ACSL4: variants seen among roughly 807,000 people sequenced by gnomAD.
ACSL4 encodes long-chain-fatty-acid--CoA ligase 4.
Under a neutral mutation model 49.1 loss-of-function variants are expected in ACSL4, and 9 were observed. The observed-to-expected ratio is 0.18, with a 90% CI of 0.11 to 0.32. The LOEUF is 0.32. ACSL4 is among the 10% of genes least tolerant of loss of function. ACSL4 has a pLI of 1.00. For synonymous variants in ACSL4, 191 were observed against 170.3 expected (o/e 1.12, Z -0.95); for missense variants, 333 against 493.7 (o/e 0.67, Z 3.08).
intron 2 of ACSL4, among the ~76,000 whole-genome samples, chrX:109,685,185 C>T (rs1291228987): frequency 1.9e-5 from 2 of 106,079 alleles, no homozygotes; most frequent in African/African-American, 6.9e-5. Flanking sequence ...CTCTGCCTCC[C>T]GGACTCAAAA....
chrX:109,682,973 A>G (rs1924292920), intron 3 of ACSL4, 77 bp from the exon 4 acceptor site: 1 of 1,094,315 alleles, frequency 9.1e-7, no homozygotes, highest in South Asian at 1.9e-5. Flanking sequence ...ATAAAACTCT[A>G]AAAATGCTCT....
chrX:109,662,830 A>T (rs1420964037), intron 13 of ACSL4, among the ~76,000 whole-genome samples: 1 of 111,345 alleles, frequency 9.0e-6, no homozygotes, highest in East Asian at 2.8e-4. Flanking sequence ...TATAGGAAAC[A>T]GTTATATAAA....
intron 2 of ACSL4, among the ~76,000 whole-genome samples, chrX:109,692,952 C>T (rs191968944): frequency 2.6e-3 from 291 of 111,722 alleles, no homozygotes; most frequent in Middle Eastern, 4.6e-3. Flanking sequence ...AGTAATACAA[C>T]TTAGGGCTTT....
chrX:109,661,609 T>C lies in ACSL4; in HGVS notation c.1619A>G (p.Glu540Gly). The C allele has an allele frequency of 8.3e-7, 1 of 1,205,026 alleles. No homozygotes were observed. ...KKDLVKLQAG[E>G]YVSLGKVEAA... ...TTCTACTTTCCCAAGAGATACATAC[T>C]CTCCTGCTTGTAACTTCACTAGATC... Residue 540 changes from glutamate (E) to glycine (G), a missense_variant, in exon 14 of 16, where the codon GAG becomes GGG. Around this residue, in one of 3 missense-constraint regions of ACSL4, gnomAD observed 175 missense variants for 275.8 expected, o/e 0.63. Transcript: ENST00000672401.
At position 109,647,818 on chromosome X, in the gene ACSL4, G is replaced by C. The variant is rs1267867475; in HGVS notation, c.1856-3632C>G. 2.7e-5 allele frequency among the ~76,000 whole-genome samples: 3 copies of C among 110,264 alleles called. No individual in the cohort carries two copies. The East Asian group carries it at 8.5e-4, about 31-fold the overall frequency. On this transcript the variant is annotated intron_variant, in intron 15 of 15. Transcript: ENST00000672401. ...AAAAAGAGAGAAGAATCAAATAGAC[G>C]CAATAAAAAATGATAAAGGGGATAT...
At position 109,668,431 on chromosome X, in the gene ACSL4, G is replaced by A. The variant is rs574486916; in HGVS notation, c.1143-158C>T. ...GGTTAACAAGGCAACAACTAGTAACGCCTTGTAAAAATGCCAGAAAAAACT... is the reference window on the plus strand; with the variant it reads ...GGTTAACAAGGCAACAACTAGTAACACCTTGTAAAAATGCCAGAAAAAACT... On this transcript the variant is annotated intron_variant, in intron 10 of 15. Coordinates refer to ENST00000672401, the MANE Select transcript of ACSL4 (RefSeq NM_001318510.2). Among the ~76,000 whole-genome samples, 11 of 111,825 alleles carry A rather than the reference G, an allele frequency of 9.8e-5. No homozygotes were observed. The East Asian group carries it at 1.1e-3, about 11-fold the overall frequency.
intron 12 of ACSL4, 26 bp downstream of exon 12, chrX:109,665,394 A>G: frequency 1.7e-6 from 2 of 1,166,518 alleles, no homozygotes; most frequent in South Asian, 3.6e-5. Context: ...ATCTTGAATC[A>G]CTAGAGCTTT....
At position 109,643,223 on chromosome X, in the gene ACSL4, T is replaced by C. The variant is rs894636251; in HGVS notation, c.*806A>G. The C allele has an allele frequency of 2.7e-5, 3 of 112,215 alleles. No homozygotes were observed. The highest frequency in any genetic ancestry group is 9.7e-5 in the African/African-American group (3 of 30,840). The allele number at this position is 112,215 out of a possible 1,213,427, so 9.2% of individuals were successfully genotyped here. On this transcript the variant is annotated 3_prime_UTR_variant, in exon 16 of 16. Coordinates refer to ENST00000672401, the MANE Select transcript of ACSL4 (RefSeq NM_001318510.2). ...CCTGTTAACTTTTTACCTTCCTTGC[T>C]CTTGGTCTCAGCTTTTCAGTTTGAA...
intron 1 of ACSL4, among the ~76,000 whole-genome samples, chrX:109,707,775 C>G (rs1220832383): frequency 3.6e-5 from 4 of 111,891 alleles, no homozygotes; most frequent in Non-Finnish European, 7.5e-5. Context: ...TGATCAAATA[C>G]TATGCGGCCA....
chrX:109,676,715 A>G (rs1923726366), intron 8 of ACSL4, among the ~76,000 whole-genome samples: 3 of 111,555 alleles, frequency 2.7e-5, no homozygotes, highest in Admixed American at 9.5e-5. Context: ...GGTATAACAT[A>G]TATGAGTTAG....
chrX:109,644,989 G>C (rs1248316621), intron 15 of ACSL4, among the ~76,000 whole-genome samples: 1 of 113,141 alleles, frequency 8.8e-6, no homozygotes, highest in Non-Finnish European at 1.9e-5. Flanking sequence ...TGCACCAGGA[G>C]ATTATAGCCC....
intron 15 of ACSL4, among the ~76,000 whole-genome samples, chrX:109,645,362 C>T (rs1276740678): frequency 9.3e-6 from 1 of 107,303 alleles, no homozygotes; most frequent in Admixed American, 9.8e-5. Context: ...GGGTCCCTGA[C>T]CCCTGACCCC....
At chrX:109,717,505 A>C (rs1927216640) in intron 1 of ACSL4, among the ~76,000 whole-genome samples, 1 of 111,020 alleles carries the variant, frequency 9.0e-6, no homozygotes, top group Non-Finnish European at 1.9e-5. Flanking sequence ...TCAAAACAAA[A>C]AAAAAGAACA....
chrX:109,649,066 G>A (rs1934885411), intron 15 of ACSL4, among the ~76,000 whole-genome samples: 1 of 109,699 alleles, frequency 9.1e-6, no homozygotes, highest in African/African-American at 3.3e-5. Flanking sequence ...CTCATGGGTA[G>A]GAAGAATCAA....
At position 109,693,431 on chromosome X, in the gene ACSL4, G is replaced by T. The variant is rs773137474; in HGVS notation, c.-13+2713C>A. ...AGAACAGAAGGCCACATATTCTAAA[G>T]ACAGCAGATAATTCAAAAATGCATT... On this transcript the variant is annotated intron_variant, in intron 2 of 15. Transcript: ENST00000672401. 2.7e-5 allele frequency among the ~76,000 whole-genome samples: 3 copies of T among 111,985 alleles called. No individual in the cohort carries two copies. In the South Asian group the frequency reaches 1.1e-3, roughly 41 times the overall value.
Position 109,642,414 on chromosome X carries a change from AC to A in ACSL4, c.*1614del, listed in dbSNP as rs1934471591. 9.0e-6 allele frequency: 1 copy of A among 111,721 alleles called. No homozygotes were observed. The highest frequency in any genetic ancestry group is 3.3e-5 in the African/African-American group (1 of 30,696). 9.2% of individuals were successfully genotyped at this position (111,721 alleles called of 1,213,427 possible). A position where few individuals can be genotyped will look rare whatever the true frequency, so the allele number is the denominator to read the frequency against. ...AAAATTTTACCTTGCAAAACGCTGAACAGAAATCTTTACAAAAACCTTCATT... is the reference window on the plus strand; with the variant it reads ...AAAATTTTACCTTGCAAAACGCTGAAAGAAATCTTTACAAAAACCTTCATT... On this transcript the variant is annotated 3_prime_UTR_variant, in exon 16 of 16. Transcript: ENST00000672401.
Position 109,681,414 on chromosome X carries a change from C to T in ACSL4, c.407-39G>A, listed in dbSNP as rs775361229. 1.5e-5 allele frequency: 14 copies of T among 941,637 alleles called. No individual in the cohort carries two copies. The East Asian group carries it at 4.4e-4, about 30-fold the overall frequency. The allele number at this position is 941,637 out of a possible 1,213,427, so 77.6% of individuals were successfully genotyped here. A position where few individuals can be genotyped will look rare whatever the true frequency, so the allele number is the denominator to read the frequency against. On this transcript the variant is annotated intron_variant, in intron 4 of 15. Coordinates refer to ENST00000672401, the MANE Select transcript of ACSL4 (RefSeq NM_001318510.2). Reference sequence around the variant, plus strand: ...ATAAACACAAATATTAAGTAATAAACATCTATTAGAAATGGATATTATTGA... The same window carrying T: ...ATAAACACAAATATTAAGTAATAAATATCTATTAGAAATGGATATTATTGA...
intron 10 of ACSL4, among the ~76,000 whole-genome samples, chrX:109,668,507 C>T (rs1346692992): frequency 9.0e-6 from 1 of 111,080 alleles, no homozygotes; most frequent in Non-Finnish European, 1.9e-5. Context: ...TATGCTGACA[C>T]AAGTAAATGA....
chrX:109,676,464 G>T (rs904456853), intron 8 of ACSL4, among the ~76,000 whole-genome samples: 1 of 111,513 alleles, frequency 9.0e-6, no homozygotes, highest in African/African-American at 3.3e-5. Context: ...AGCATTGCCT[G>T]GTGGGGGGCG....
Sources: gnomAD v4.1 joint callset for allele counts (sites outside exome capture counted in the v4.1 genomes callset) on GRCh38, gnomAD v4.1.1 for gene constraint, gnomAD v4.1.1 regional missense constraint, MANE v1.5 for transcripts, NCBI Gene and HGNC (gene_info 2026-07-23, HGNC 2026-07-21) for gene names.